TAF12: variants seen among roughly 807,000 people sequenced by gnomAD.
TAF12 encodes transcription initiation factor TFIID subunit 12.
Under a neutral mutation model 20.8 loss-of-function variants are expected in TAF12, and 3 were observed. The observed-to-expected ratio is 0.14, with a 90% confidence interval of 0.07 to 0.37. TAF12 has a LOEUF of 0.37. Among genes scored for constraint, TAF12 ranks in the 10% least tolerant of loss-of-function variants. The pLI is 1.00. For synonymous variants in TAF12, 69 were observed against 70.2 expected, an observed-to-expected ratio of 0.98 and a Z score of 0.09; for missense variants, 131 against 197.9, an observed-to-expected ratio of 0.66 and a Z score of 2.03.
chr1:28,619,373 C>T (rs1667136264), intron 2 of TAF12, among the ~76,000 whole-genome samples: 1 of 150,904 alleles, frequency 6.6e-6, no homozygotes, highest in African/African-American at 2.4e-5. Context: ...TGGCGGGCGC[C>T]TGTAGTCCCA....
intron 1 of TAF12, among the ~76,000 whole-genome samples, chr1:28,628,403 T>C (rs1017062189): frequency 9.2e-5 from 14 of 151,816 alleles, no homozygotes; most frequent in African/African-American, 3.1e-4. Flanking sequence ...AAAAAACACA[T>C]ATTGTACGAT....
chr1:28,608,199 GC>G (rs2124298083), intron 4 of TAF12, among the ~76,000 whole-genome samples: 1 of 139,820 alleles, frequency 7.2e-6, no homozygotes, highest in East Asian at 2.0e-4. Context: ...AAAAAAAATA[GC>G]CGGGTGTGGT....
chr1:28,646,843 C>A (rs1467487311), upstream of TAF12, among the ~76,000 whole-genome samples: 1 of 152,096 alleles, frequency 6.6e-6, no homozygotes, highest in African/African-American at 2.4e-5. Context: ...GGACTACAGG[C>A]ACCCGCCACC....
intron 1 of TAF12, among the ~76,000 whole-genome samples, chr1:28,634,016 G>A (rs180806710): frequency 2.0e-5 from 3 of 151,894 alleles, no homozygotes; most frequent in African/African-American, 7.2e-5. Flanking sequence ...CCAGGAGGTG[G>A]AGGTTGCAGT....
chr1:28,647,649 G>A (rs532020614), upstream of TAF12, among the ~76,000 whole-genome samples: 3 of 152,262 alleles, frequency 2.0e-5, no homozygotes, highest in African/African-American at 4.8e-5. Context: ...TGAGGCGGGC[G>A]GATCACAAAG....
At chr1:28,612,565 TAC>T (rs1227211256) in intron 4 of TAF12, among the ~76,000 whole-genome samples, 1 of 139,006 alleles carries the variant, frequency 7.2e-6, no homozygotes, top group Non-Finnish European at 1.6e-5. Flanking sequence ...CATAAATATA[TAC>T]ATATATATAC....
rs1159192480 is a variant in TAF12 at position 28,634,415 on chromosome 1, CAAAAAAAAAAAA to C, written c.-85+8565_-85+8576del. On this transcript the variant is annotated intron_variant, in intron 1 of 5. Transcript: ENST00000373824. ...TGGGCGACAGAGCGAGACTCCATCT[CAAAAAAAAAAAA>C]AAAAAAAAACCCCACAAAAAACAGG... Among the ~76,000 whole-genome samples the C allele has an allele frequency of 2.9e-4, 12 of 41,554 alleles. No individual in the cohort carries two copies. In the South Asian group the frequency reaches 8.4e-3, roughly 29 times the overall value. The allele number at this position is 41,554 out of a possible 152,430, so 27.3% of individuals were successfully genotyped here.
At chr1:28,612,476 A>T (rs1386738818) in intron 4 of TAF12, among the ~76,000 whole-genome samples, 1 of 146,980 alleles carries the variant, frequency 6.8e-6, no homozygotes, top group Non-Finnish European at 1.5e-5. Flanking sequence ...TATATAAAGT[A>T]TTATACATAA....
chr1:28,639,750 T>C lies in TAF12; in HGVS notation c.-85+3242A>G, dbSNP rs191365155. Among the ~76,000 whole-genome samples the C allele has an allele frequency of 2.5e-3, 388 of 152,194 alleles. 2 individuals carry two copies. The highest frequency in any genetic ancestry group is 8.8e-3 in the African/African-American group (364 of 41,536). On this transcript the variant is annotated intron_variant, in intron 1 of 5. Transcript: ENST00000373824. ...GTACAGGCTAACCCTGGGGAAAAAATAGTAGTTTTAACTAAGCCCAATTCC... is the reference window on the plus strand; with the variant it reads ...GTACAGGCTAACCCTGGGGAAAAAACAGTAGTTTTAACTAAGCCCAATTCC...
chr1:28,635,147 G>C (rs1335189618), intron 1 of TAF12, among the ~76,000 whole-genome samples: 1 of 115,098 alleles, frequency 8.7e-6, no homozygotes, highest in East Asian at 3.0e-4. Context: ...GGAGAATAGC[G>C]CGAACCCGGG....
At chr1:28,606,076 GA>G (rs1666655047) in intron 4 of TAF12, among the ~76,000 whole-genome samples, 1 of 151,976 alleles carries the variant, frequency 6.6e-6, no homozygotes, top group African/African-American at 2.4e-5. Context: ...TCGGCTCACT[GA>G]AACCTCTGCC....
intron 1 of TAF12, among the ~76,000 whole-genome samples, chr1:28,627,593 TGA>T (rs1448168764): frequency 7.3e-6 from 1 of 136,244 alleles, no homozygotes. Context: ...CTCGGGAGGC[TGA>T]GACAGGAGAA....
intron 2 of TAF12, among the ~76,000 whole-genome samples, chr1:28,620,593 G>C (rs1187788088): frequency 1.3e-5 from 2 of 151,872 alleles, no homozygotes; most frequent in Non-Finnish European, 2.9e-5. Flanking sequence ...CTGCCACCAC[G>C]CCTGGCTAAT....
intron 1 of TAF12, among the ~76,000 whole-genome samples, chr1:28,627,302 C>T (rs1667436739): frequency 6.7e-6 from 1 of 150,130 alleles, no homozygotes; most frequent in African/African-American, 2.5e-5. Context: ...ACACAAGAAT[C>T]ACTTGAACCT....
At position 28,618,034 on chromosome 1, in the gene TAF12, A is replaced by C; in HGVS notation, c.169-4T>G. 1.2e-6 allele frequency: 2 copies of C among 1,611,920 alleles called. No individual in the cohort carries two copies. The highest frequency in any genetic ancestry group is 1.7e-6 in the Non-Finnish European group (2 of 1,178,798). On this transcript the variant is annotated splice_region_variant and splice_polypyrimidine_tract_variant and intron_variant, in intron 2 of 5. Coordinates refer to ENST00000373824, the MANE Select transcript of TAF12 (RefSeq NM_005644.4). ...GTAATTTCTTCTTGGTCAATACCTA[A>C]AGTTAATTGGAAGAAGACTTTTCAA...
chr1:28,636,240 G>C (rs1667819283), intron 1 of TAF12, among the ~76,000 whole-genome samples: 1 of 152,176 alleles, frequency 6.6e-6, no homozygotes, highest in Admixed American at 6.6e-5. Flanking sequence ...CCCCACGTCT[G>C]TAATCCCAGA....
intron 1 of TAF12, among the ~76,000 whole-genome samples, chr1:28,635,263 T>C (rs546614446): frequency 7.3e-6 from 1 of 136,686 alleles, no homozygotes; most frequent in Non-Finnish European, 1.6e-5. Context: ...AAAAACCACA[T>C]CTATCCTCCC....
At chr1:28,604,381 GA>G (rs1666597773) in intron 5 of TAF12, among the ~76,000 whole-genome samples, 1 of 152,180 alleles carries the variant, frequency 6.6e-6, no homozygotes, top group Non-Finnish European at 1.5e-5. Context: ...GTCCATCATG[GA>G]AACACTCAGA....
chr1:28,639,252 C>T (rs1667954719), intron 1 of TAF12, among the ~76,000 whole-genome samples: 1 of 151,150 alleles, frequency 6.6e-6, no homozygotes. Context: ...CCCGTCTCTA[C>T]TAAAAATACA....
Sources: gnomAD v4.1 joint callset for allele counts (sites outside exome capture counted in the v4.1 genomes callset) on GRCh38, gnomAD v4.1.1 for gene constraint, MANE v1.5 for transcripts, NCBI Gene and HGNC (gene_info 2026-07-23, HGNC 2026-07-21) for gene names.